The following FBRSL1 variants were observed in gnomAD, a reference collection of about 807,000 sequenced individuals.
FBRSL1 encodes fibrosin like 1.
In FBRSL1, 51 loss-of-function variants were observed where a neutral mutation model predicts 89.6. That is an observed-to-expected ratio of 0.57 (90% CI 0.45 to 0.72). The LOEUF (loss-of-function observed/expected upper bound fraction) is 0.72, where lower values mean the gene tolerates loss of function less well. FBRSL1 is among the 30% of genes least tolerant of loss of function. The probability of loss-of-function intolerance (pLI) is 0.00; values close to 1 mark genes in which losing one functional copy is unlikely to be tolerated. For missense variants in FBRSL1, 1,618 were observed against 1,451.8 expected (o/e 1.11, Z -1.86); for synonymous variants, 779 against 681.1 (o/e 1.14, Z -2.24).
chr12:132,503,621 C>T (rs2033309529), intron 1 of FBRSL1, among the ~76,000 whole-genome samples: 1 of 152,228 alleles, frequency 6.6e-6, no homozygotes, highest in Non-Finnish European at 1.5e-5. Flanking sequence ...TGTAGGGTCT[C>T]CTGTGCCAGT....
Position 132,583,058 on chromosome 12 carries a change from C to A in FBRSL1, c.2289C>A (p.Ala763=). 1 of 1,447,504 alleles carries A rather than the reference C, an allele frequency of 6.9e-7. No individual in the cohort carries two copies. The highest frequency in any genetic ancestry group is 9.0e-7 in the Non-Finnish European group (1 of 1,107,342). The allele number at this position is 1,447,504 out of a possible 1,614,324, so 89.7% of individuals were successfully genotyped here. ...CCGTCAGCGGCCTCCTGCTCCGGGC[C>A]CAGAGCGAGCTGGGCCGGTCCGGGG... is the stretch of plus-strand genomic sequence containing the variant. ...GHPVSGLLLR[A]QSELGRSGAP... The change falls in exon 19 of 19, where the codon GCC becomes GCA. Residue 763 remains alanine, a synonymous_variant. Coordinates refer to ENST00000680143, the MANE Select transcript of FBRSL1 (RefSeq NM_001367871.1).
At chr12:132,527,759 G>A (rs1249381956) in intron 3 of FBRSL1, among the ~76,000 whole-genome samples, 194 bp from the exon 4 acceptor site, 2 of 147,894 alleles carry the variant, frequency 1.4e-5, no homozygotes, top group African/African-American at 2.5e-5. Context: ...GGGCTGTGGG[G>A]CAGGGTTGTG....
In FBRSL1 at chr12:132,499,389, A is replaced by T. The variant is rs1055519423; in HGVS notation, c.291+8528A>T. Among the ~76,000 whole-genome samples the T allele has an allele frequency of 6.6e-6, 1 of 152,030 alleles. No homozygotes were observed. Among genetic ancestry groups the T allele is most frequent in the Non-Finnish European group, 1.5e-5 (1 of 67,982 alleles). On this transcript the variant is annotated intron_variant, in intron 1 of 18. Coordinates refer to ENST00000680143, the MANE Select transcript of FBRSL1 (RefSeq NM_001367871.1). This position sits in a 1 kb window ranked among gnomAD's most constrained non-coding sequence, Gnocchi z 4.3. ...CGCTGGCCAGCAGGGAAGGGTTCTG[A>T]GCTGTTCTGCTTTCCCTGACAGACT...
In FBRSL1 at chr12:132,552,787, A is replaced by G. The variant is rs560378663; in HGVS notation, c.645+4755A>G. The G allele has an allele frequency of 5.8e-5, 9 of 155,010 alleles. No individual in the cohort carries two copies. In the South Asian group the frequency reaches 7.9e-4, roughly 14 times the overall value. 9.6% of individuals were successfully genotyped at this position (155,010 alleles called of 1,614,324 possible). ...CAGAAGGACGGATGGACGGCTGGAC[A>G]GGCTGGAGGCCCCTGCCGTGGACAC... On this transcript the variant is annotated intron_variant, in intron 5 of 18. Coordinates refer to ENST00000680143, the MANE Select transcript of FBRSL1 (RefSeq NM_001367871.1).
At chr12:132,509,229 C>T (rs1333198255) in intron 2 of FBRSL1, 5 of 1,253,102 alleles carry the variant, frequency 4.0e-6, no homozygotes, top group East Asian at 3.1e-5. Context: ...CCCGGCCCAG[C>T]GCCAGCAACA....
chr12:132,541,753 A>G (rs1184342949), intron 4 of FBRSL1, among the ~76,000 whole-genome samples: 2 of 152,258 alleles, frequency 1.3e-5, no homozygotes, highest in African/African-American at 4.8e-5. Flanking sequence ...GCTTGATTGG[A>G]ATGCATTGCA....
intron 2 of FBRSL1, among the ~76,000 whole-genome samples, chr12:132,517,849 G>A (rs978212454): frequency 3.9e-5 from 6 of 152,148 alleles, no homozygotes; most frequent in African/African-American, 1.2e-4. Flanking sequence ...GGGTGGTGGC[G>A]CCTGTCGGGA....
chr12:132,542,232 C>A (rs1000601264), intron 4 of FBRSL1, among the ~76,000 whole-genome samples: 4 of 152,186 alleles, frequency 2.6e-5, no homozygotes, highest in African/African-American at 9.7e-5. Context: ...TCCCCGGGCA[C>A]CTGGGTGGGC....
intron 2 of FBRSL1, chr12:132,509,868 C>G (rs1295606727): frequency 8.1e-7 from 1 of 1,231,774 alleles, no homozygotes; most frequent in African/African-American, 1.6e-5. Flanking sequence ...ACCACGCCGA[C>G]GGCCCGCCAG....
At chr12:132,502,078 C>T (rs1029385028) in intron 1 of FBRSL1, among the ~76,000 whole-genome samples, 1 of 152,332 alleles carries the variant, frequency 6.6e-6, no homozygotes, top group South Asian at 2.1e-4. Context: ...GGTGACCTCC[C>T]GGGTCTGAGT....
At chr12:132,577,136 T>A (rs1487593427) in intron 15 of FBRSL1, among the ~76,000 whole-genome samples, 3 of 145,422 alleles carry the variant, frequency 2.1e-5, no homozygotes, top group African/African-American at 7.7e-5. Context: ...TCACCTCTCC[T>A]CTCCTGTCCT....
At chr12:132,571,330 C>G in intron 9 of FBRSL1, 99 bp downstream of exon 9, 2 of 1,548,930 alleles carry the variant, frequency 1.3e-6, no homozygotes, top group Non-Finnish European at 1.7e-6. Flanking sequence ...CAGGCAAGAG[C>G]TGAACACGCG....
In FBRSL1 at chr12:132,583,054, G is replaced by A; in HGVS notation, c.2285G>A (p.Arg762Gln). The change falls in exon 19 of 19, where the codon CGG becomes CAG. Residue 762 changes from arginine (R) to glutamine (Q), a missense_variant. Arg to Gln is a conservative substitution (Grantham distance 43). Coordinates refer to ENST00000680143, the MANE Select transcript of FBRSL1 (RefSeq NM_001367871.1). Reference protein sequence around the residue: ...AGHPVSGLLLRAQSELGRSGA... With the variant: ...AGHPVSGLLLQAQSELGRSGA... ...CACCCCGTCAGCGGCCTCCTGCTCC[G>A]GGCCCAGAGCGAGCTGGGCCGGTCC... is the stretch of plus-strand genomic sequence containing the variant. 2.1e-6 allele frequency: 3 copies of A among 1,447,726 alleles called. No individual in the cohort carries two copies. The highest frequency in any genetic ancestry group is 2.7e-5 in the Admixed American group (1 of 37,292). The allele number at this position is 1,447,726 out of a possible 1,614,324, so 89.7% of individuals were successfully genotyped here. A position where few individuals can be genotyped will look rare whatever the true frequency, so the allele number is the denominator to read the frequency against.
chr12:132,549,698 C>T (rs1162859469), intron 5 of FBRSL1, among the ~76,000 whole-genome samples: 5 of 152,204 alleles, frequency 3.3e-5, no homozygotes, highest in Non-Finnish European at 5.9e-5. Context: ...GCCAGGTCCA[C>T]GTGGAGTCGG....
chr12:132,506,787 C>A (rs1425599770), intron 1 of FBRSL1, among the ~76,000 whole-genome samples: 1 of 152,268 alleles, frequency 6.6e-6, no homozygotes, highest in Non-Finnish European at 1.5e-5. Flanking sequence ...CAGGAGCAGG[C>A]CGCTCACAGC....
At chr12:132,569,016 C>T (rs1009793641) in intron 6 of FBRSL1, among the ~76,000 whole-genome samples, 7 of 152,194 alleles carry the variant, frequency 4.6e-5, no homozygotes, top group African/African-American at 1.2e-4. Context: ...CAGGGTCTGC[C>T]GGGGACGTGA....
chr12:132,581,646 C>T (rs2040756853), intron 16 of FBRSL1, 95 bp from the exon 17 acceptor site: 3 of 1,481,242 alleles, frequency 2.0e-6, no homozygotes, highest in Non-Finnish European at 9.2e-7. Context: ...GCAGTACCCA[C>T]CAGGCCCAAA....
chr12:132,580,989 G>T (rs997397702), intron 15 of FBRSL1: 2 of 985,464 alleles, frequency 2.0e-6, no homozygotes, highest in South Asian at 9.4e-5. Flanking sequence ...GGGCTGCCAT[G>T]TGCAGCCTCC....
At chr12:132,500,865 A>G (rs1191166951) in intron 1 of FBRSL1, among the ~76,000 whole-genome samples, 1 of 152,074 alleles carries the variant, frequency 6.6e-6, no homozygotes, top group African/African-American at 2.4e-5. Context: ...AGTGTCCCCC[A>G]CAGCCCTTGG....
Sources: gnomAD v4.1 joint callset for allele counts (sites outside exome capture counted in the v4.1 genomes callset) on GRCh38, gnomAD v4.1.1 for gene constraint, Gnocchi (gnomAD v3.1) non-coding constraint, MANE v1.5 for transcripts, NCBI Gene and HGNC (gene_info 2026-07-23, HGNC 2026-07-21) for gene names.